The following RPGRIP1L variants were observed in gnomAD, a reference collection of about 807,000 sequenced individuals.
RPGRIP1L encodes the protein RPGRIP1 like, also known as protein fantom.
A neutral mutation model predicts 160.4 loss-of-function variants in RPGRIP1L; 131 were observed. That is an observed-to-expected ratio of 0.82 (90% CI 0.71 to 0.94). RPGRIP1L has a LOEUF of 0.94. Among genes scored for constraint, RPGRIP1L ranks in the 40% least tolerant of loss-of-function variants. The probability of loss-of-function intolerance (pLI) is 0.00; values close to 1 mark genes in which losing one functional copy is unlikely to be tolerated. For missense variants in RPGRIP1L, 1,522 were observed against 1,535.8 expected (o/e 0.99, Z 0.15); for synonymous variants, 510 against 515.8 (o/e 0.99, Z 0.15).
chr16:53,660,874 T>C lies in RPGRIP1L; in HGVS notation c.1244-1996A>G, dbSNP rs1430615088. 2.2e-4 allele frequency among the ~76,000 whole-genome samples: 30 copies of C among 133,514 alleles called. No individual in the cohort carries two copies. The East Asian group carries it at 2.5e-3, about 11-fold the overall frequency. The allele number at this position is 133,514 out of a possible 152,430, so 87.6% of individuals were successfully genotyped here. Reference sequence around the variant, plus strand: ...CGCCACTGCACTCCAGCCTGGGCAATAGAGTGAGACTACATCTAAAAAAAA... The same window carrying C: ...CGCCACTGCACTCCAGCCTGGGCAACAGAGTGAGACTACATCTAAAAAAAA... On this transcript the variant is annotated intron_variant, in intron 10 of 26. Coordinates refer to ENST00000647211, the MANE Select transcript of RPGRIP1L (RefSeq NM_015272.5).
At chr16:53,663,897 T>A (rs1968022720) in intron 10 of RPGRIP1L, among the ~76,000 whole-genome samples, 1 of 152,140 alleles carries the variant, frequency 6.6e-6, no homozygotes, top group East Asian at 1.9e-4. Context: ...ATTAGAGATG[T>A]TAAAATATGA....
intron 21 of RPGRIP1L, 139 bp from the exon 22 acceptor site, chr16:53,636,651 CA>C (rs1296480098): frequency 1.8e-6 from 1 of 553,144 alleles, no homozygotes; most frequent in Non-Finnish European, 3.2e-6. Flanking sequence ...TTTTTAGTAG[CA>C]AATTTGTTTA....
At chr16:53,692,002 GT>G (rs1298780771) in intron 4 of RPGRIP1L, 63 bp downstream of exon 4, 41 of 1,491,522 alleles carry the variant, frequency 2.7e-5, no homozygotes, top group South Asian at 3.4e-5. Context: ...AAAACTTTGT[GT>G]TTTTTTTGTG....
At chr16:53,696,983 C>T (rs1252733447) in intron 2 of RPGRIP1L, among the ~76,000 whole-genome samples, 5 of 152,064 alleles carry the variant, frequency 3.3e-5, no homozygotes, top group Non-Finnish European at 5.9e-5. Context: ...CACCTGAGGT[C>T]GGGAGTTCAA....
intron 10 of RPGRIP1L, chr16:53,659,944 T>C (rs1175691849): frequency 1.3e-5 from 2 of 152,074 alleles, no homozygotes; most frequent in East Asian, 3.9e-4. Flanking sequence ...TCAGTCGGAA[T>C]GGACTTGGAG....
At chr16:53,662,921 T>C (rs1681096386) in intron 10 of RPGRIP1L, among the ~76,000 whole-genome samples, 1 of 152,070 alleles carries the variant, frequency 6.6e-6, no homozygotes, top group Admixed American at 6.6e-5. Flanking sequence ...TAGAAGATTG[T>C]TAAATAATCC....
intron 3 of RPGRIP1L, chr16:53,693,861 G>C (rs1213165090): frequency 2.0e-5 from 3 of 152,154 alleles, no homozygotes; most frequent in African/African-American, 7.2e-5. Context: ...TGAATTTTCT[G>C]TTACAGAGAG....
chr16:53,672,963 T>C lies in RPGRIP1L; in HGVS notation c.936A>G (p.Glu312=), dbSNP rs1454166907. Residue 312 remains glutamate (E), a synonymous_variant, in exon 8 of 27, where the codon GAA becomes GAG. Coordinates refer to ENST00000647211, the MANE Select transcript of RPGRIP1L (RefSeq NM_015272.5). ...GCTGCTCTTTAAGTTGCATGTTTAATTCATCCCCATTTGCCATCAAAGCAT... is the reference window on the plus strand; with the variant it reads ...GCTGCTCTTTAAGTTGCATGTTTAACTCATCCCCATTTGCCATCAAAGCAT... ...SHDALMANGD[E]LNMQLKEQRL... The C allele has an allele frequency of 5.6e-6, 9 of 1,613,222 alleles. No homozygotes were observed. In the Admixed American group the frequency reaches 1.5e-4, roughly 27 times the overall value.
intron 24 of RPGRIP1L, among the ~76,000 whole-genome samples, chr16:53,614,435 T>C (rs1354831445): frequency 6.6e-6 from 1 of 152,204 alleles, no homozygotes; most frequent in Non-Finnish European, 1.5e-5. Context: ...GCCTGAGAAT[T>C]TGTAATTCTA....
intron 5 of RPGRIP1L, among the ~76,000 whole-genome samples, chr16:53,687,589 A>G (rs1970107742): frequency 6.6e-6 from 1 of 152,102 alleles, no homozygotes; most frequent in Admixed American, 6.5e-5. Flanking sequence ...ATCTTACACT[A>G]TTCTAACTGA....
At chr16:53,654,834 A>G (rs1209888949) in intron 14 of RPGRIP1L, among the ~76,000 whole-genome samples, 1 of 152,220 alleles carries the variant, frequency 6.6e-6, no homozygotes, top group African/African-American at 2.4e-5. Context: ...AAATTCCATT[A>G]AACAAATTTT....
At chr16:53,662,130 A>T (rs1967851279) in intron 10 of RPGRIP1L, among the ~76,000 whole-genome samples, 1 of 152,180 alleles carries the variant, frequency 6.6e-6, no homozygotes, top group Non-Finnish European at 1.5e-5. Flanking sequence ...CAAATGAGAT[A>T]ACATTTCACT....
chr16:53,631,696 G>T (rs1965531269), intron 22 of RPGRIP1L, among the ~76,000 whole-genome samples: 1 of 151,978 alleles, frequency 6.6e-6, no homozygotes, highest in African/African-American at 2.4e-5. Flanking sequence ...ATAGAGAAAT[G>T]TCCAAAGTTT....
In RPGRIP1L at chr16:53,646,283, T is replaced by C. The variant is rs16952410; in HGVS notation, c.2305-280A>G. ...AAAACCAAGAAAAATGTTAATCTGA[T>C]GTTCTTCAATTCTGTTAGATAACTA... On this transcript the variant is annotated intron_variant, in intron 16 of 26. Coordinates refer to ENST00000647211, the MANE Select transcript of RPGRIP1L (RefSeq NM_015272.5). 0.066 allele frequency among the ~76,000 whole-genome samples: 10,009 copies of C among 152,216 alleles called. 615 individuals are homozygous for C. The highest frequency in any genetic ancestry group is 0.16 in the African/African-American group (6,775 of 41,502).
At chr16:53,680,242 A>C (rs1598389973) in intron 6 of RPGRIP1L, among the ~76,000 whole-genome samples, 1 of 152,174 alleles carries the variant, frequency 6.6e-6, no homozygotes, top group East Asian at 1.9e-4. Context: ...TGAATTCTAA[A>C]CTGTTCAAAA....
At chr16:53,681,777 T>A (rs6499637) in intron 6 of RPGRIP1L, among the ~76,000 whole-genome samples, 2,622 of 152,306 alleles carry the variant, frequency 0.017, 82 homozygotes, top group African/African-American at 0.06. Context: ...TTCTGTAATA[T>A]TCTATGAAAA....
chr16:53,697,161 C>T (rs1462952798), intron 2 of RPGRIP1L, among the ~76,000 whole-genome samples: 2 of 150,360 alleles, frequency 1.3e-5, no homozygotes, highest in African/African-American at 4.9e-5. Context: ...GCACTCCAGC[C>T]TGGGTGAGAG....
At chr16:53,638,171 T>C in intron 20 of RPGRIP1L, 139 bp downstream of exon 20, 1 of 660,210 alleles carries the variant, frequency 1.5e-6, no homozygotes, top group South Asian at 1.8e-5. Context: ...TTGTCATATT[T>C]TTGACTTTCT....
intron 14 of RPGRIP1L, 143 bp from the exon 15 acceptor site, chr16:53,653,130 A>G: frequency 1.1e-6 from 1 of 877,854 alleles, no homozygotes; most frequent in Non-Finnish European, 1.7e-6. Flanking sequence ...TCTGTAAATA[A>G]TACTTTATCG....
Sources: allele counts gnomAD v4.1 joint callset (sites outside exome capture counted in the v4.1 genomes callset), GRCh38; gene constraint gnomAD v4.1.1; transcripts MANE v1.5; gene names NCBI Gene and HGNC (gene_info 2026-07-23, HGNC 2026-07-21).